Variants in CAMK2B observed in about 807,000 individuals in gnomAD.
CAMK2B encodes calcium/calmodulin dependent protein kinase II beta.
CAMK2B carries 27 observed loss-of-function variants against 93.7 expected under a neutral mutation model. The observed-to-expected ratio is 0.29, with a 90% confidence interval of 0.21 to 0.40. CAMK2B has a LOEUF of 0.40. CAMK2B is among the 10% of genes least tolerant of loss of function. The pLI is 1.00. For synonymous variants in CAMK2B, 374 were observed against 358.8 expected, an observed-to-expected ratio of 1.04 and a Z score of -0.48; for missense variants, 568 against 895.8, an observed-to-expected ratio of 0.63 and a Z score of 4.67.
At chr7:44,221,787 G>A (rs1412606837) in intron 20 of CAMK2B, among the ~76,000 whole-genome samples, 1 of 152,252 alleles carries the variant, frequency 6.6e-6, no homozygotes, top group African/African-American at 2.4e-5. Flanking sequence ...GCGCTCACTG[G>A]CAGCCTGCAT....
At chr7:44,265,097 C>T (rs1056585435) in intron 2 of CAMK2B, among the ~76,000 whole-genome samples, 1 of 152,162 alleles carries the variant, frequency 6.6e-6, no homozygotes, top group Non-Finnish European at 1.5e-5. Flanking sequence ...TGATTGTGAA[C>T]ATTTTTCAGA....
intron 20 of CAMK2B, among the ~76,000 whole-genome samples, chr7:44,226,257 G>T (rs2096476022): frequency 6.6e-6 from 1 of 150,378 alleles, no homozygotes; most frequent in South Asian, 2.1e-4. Flanking sequence ...TGCGAATGCT[G>T]GGGTCGGCAA....
intron 1 of CAMK2B, among the ~76,000 whole-genome samples, chr7:44,322,359 G>C (rs1230624334): frequency 6.6e-6 from 1 of 151,998 alleles, no homozygotes; most frequent in Non-Finnish European, 1.5e-5. Context: ...GAAGGAAATG[G>C]GTTACTTAAT....
chr7:44,288,592 G>A (rs561664504), intron 1 of CAMK2B, among the ~76,000 whole-genome samples: 9 of 152,300 alleles, frequency 5.9e-5, no homozygotes, highest in Non-Finnish European at 1.2e-4. Context: ...TGAGGCCCCC[G>A]GGCACCAAGC....
In CAMK2B at chr7:44,220,807, C is replaced by CA. The variant is rs770107547; in HGVS notation, c.1673+18_1673+19insT. On this transcript the variant is annotated intron_variant, in intron 21 of 23. Coordinates refer to ENST00000395749, the MANE Select transcript of CAMK2B (RefSeq NM_001220.5). ...ACATCCTTGTCCTGCACAGCCCCCC[C>CA]CCAGCCCCAGGGACTCACGCGTAGG... The CA allele has an allele frequency of 2.1e-5, 33 of 1,561,340 alleles. 1 individual carries two copies. In the South Asian group the frequency reaches 2.5e-4, roughly 12 times the overall value.
intron 19 of CAMK2B, among the ~76,000 whole-genome samples, chr7:44,228,442 G>A (rs1164565313): frequency 1.3e-5 from 2 of 152,144 alleles, no homozygotes; most frequent in African/African-American, 2.4e-5. Flanking sequence ...AGTCTGTGGG[G>A]CTGGGACAGT....
At chr7:44,304,225 C>A (rs1790840563) in intron 1 of CAMK2B, among the ~76,000 whole-genome samples, 1 of 152,196 alleles carries the variant, frequency 6.6e-6, no homozygotes, top group South Asian at 2.1e-4. Context: ...ACCTTACACT[C>A]CAGCAATCAC....
chr7:44,218,669 A>AGCAGTGCT lies in CAMK2B; in HGVS notation c.*848_*855dup, dbSNP rs1218841541. The AGCAGTGCT allele has an allele frequency of 1.3e-5, 2 of 152,306 alleles. No individual in the cohort carries two copies. The highest frequency in any genetic ancestry group is 4.8e-5 in the African/African-American group (2 of 41,470). The allele number at this position is 152,306 out of a possible 1,614,324, so 9.4% of individuals were successfully genotyped here. The stretch of plus-strand genomic sequence containing the variant: ...AGCTGGCTGTGTTGGAGCTGTAGCC[A>AGCAGTGCT]GCAGTGCTGTCTCTTGCTCGGCGAG... On this transcript the variant is annotated 3_prime_UTR_variant, in exon 24 of 24. Coordinates refer to ENST00000395749, the MANE Select transcript of CAMK2B (RefSeq NM_001220.5).
intron 19 of CAMK2B, among the ~76,000 whole-genome samples, chr7:44,228,415 C>T (rs1324800255): frequency 3.9e-5 from 6 of 152,076 alleles, no homozygotes; most frequent in Admixed American, 3.9e-4. Flanking sequence ...ATGGGCAGGG[C>T]CCCTGGGTGG....
chr7:44,249,931 CAG>C (rs749489968), intron 5 of CAMK2B, among the ~76,000 whole-genome samples: 18 of 152,314 alleles, frequency 1.2e-4, no homozygotes, highest in Middle Eastern at 3.4e-3. Flanking sequence ...AAACCAATGC[CAG>C]AGACGGGGAC....
intron 2 of CAMK2B, among the ~76,000 whole-genome samples, chr7:44,278,336 T>C (rs1297008436): frequency 6.6e-6 from 1 of 152,082 alleles, no homozygotes; most frequent in Non-Finnish European, 1.5e-5. Flanking sequence ...CCCTGTGAGG[T>C]AGATACTTTA....
intron 13 of CAMK2B, among the ~76,000 whole-genome samples, chr7:44,236,646 T>A (rs887846195): frequency 2.6e-5 from 4 of 152,224 alleles, no homozygotes; most frequent in African/African-American, 9.6e-5. Context: ...TCTGCTTCCC[T>A]GTAACTTGCT....
At chr7:44,270,683 G>A (rs1562968356) in intron 2 of CAMK2B, among the ~76,000 whole-genome samples, 3 of 152,342 alleles carry the variant, frequency 2.0e-5, no homozygotes, top group South Asian at 4.1e-4. Context: ...CTGTCAAGTA[G>A]CGCTGTTCCT....
intron 1 of CAMK2B, among the ~76,000 whole-genome samples, chr7:44,313,312 A>C (rs1444568416): frequency 6.6e-6 from 1 of 152,146 alleles, no homozygotes; most frequent in Non-Finnish European, 1.5e-5. Flanking sequence ...TGAGGCCCTG[A>C]CAAGGACTTT....
At position 44,248,406 on chromosome 7, in the gene CAMK2B, G is replaced by A. The variant is rs1272009243; in HGVS notation, c.342-1214C>T. ...CTGCTTCTGCCCAGGTGCCCCTGGA[G>A]CCCAACACAAGCCCTTCCCCAGGGA... is the stretch of plus-strand genomic sequence containing the variant. On this transcript the variant is annotated intron_variant, in intron 5 of 23. Transcript: ENST00000395749. This position sits in a 1 kb window ranked among gnomAD's most constrained non-coding sequence, Gnocchi z 4.1. Among the ~76,000 whole-genome samples, 2 of 152,118 alleles carry A rather than the reference G, an allele frequency of 1.3e-5. No homozygotes were observed. Among genetic ancestry groups the A allele is most frequent in the African/African-American group, 4.8e-5 (2 of 41,442 alleles).
chr7:44,234,358 G>C, intron 15 of CAMK2B, 32 bp downstream of exon 15: 1 of 1,482,116 alleles, frequency 6.7e-7, no homozygotes, highest in Non-Finnish European at 9.0e-7. Flanking sequence ...GCGTAGGAGG[G>C]GCTGAGAGGC....
At chr7:44,300,727 G>A (rs1460343513) in intron 1 of CAMK2B, among the ~76,000 whole-genome samples, 2 of 152,152 alleles carry the variant, frequency 1.3e-5, no homozygotes, top group Non-Finnish European at 2.9e-5. Context: ...AGATGCAGCA[G>A]GCAGAAAATC....
intron 19 of CAMK2B, among the ~76,000 whole-genome samples, chr7:44,228,421 G>A (rs1031760536): frequency 6.6e-6 from 1 of 152,124 alleles, no homozygotes; most frequent in Non-Finnish European, 1.5e-5. Context: ...AGGGCCCCTG[G>A]GTGGGTGTGA....
intron 5 of CAMK2B, among the ~76,000 whole-genome samples, chr7:44,247,849 G>A (rs111495325): frequency 0.03 from 4,560 of 152,268 alleles, 235 homozygotes; most frequent in African/African-American, 0.1. Context: ...CCAACATGGC[G>A]AAACCCCGTC....
Sources: allele counts gnomAD v4.1 joint callset (sites outside exome capture counted in the v4.1 genomes callset), GRCh38; gene constraint gnomAD v4.1.1; non-coding constraint Gnocchi (gnomAD v3.1); transcripts MANE v1.5; gene names NCBI Gene and HGNC (gene_info 2026-07-23, HGNC 2026-07-21).